SORCS2: variants seen among roughly 807,000 people sequenced by gnomAD.
SORCS2 encodes sortilin related VPS10 domain containing receptor 2, also known as VPS10 domain-containing receptor SorCS2.
Under a neutral mutation model 141.6 loss-of-function variants are expected in SORCS2, and 100 were observed. That is an observed-to-expected ratio of 0.71 (90% CI 0.60 to 0.83). The LOEUF (loss-of-function observed/expected upper bound fraction) is 0.83. Ranked by LOEUF, SORCS2 falls within the 40% of genes least tolerant of loss-of-function variation. The pLI, the probability that SORCS2 is intolerant of heterozygous loss-of-function variation, is 0.00. For missense variants in SORCS2, 1,646 were observed against 1,560.2 expected (o/e 1.05, Z -0.93); for synonymous variants, 789 against 676.9 (o/e 1.17, Z -2.57).
At chr4:7,643,372 T>C (rs1204740723) in intron 4 of SORCS2, among the ~76,000 whole-genome samples, 3 of 152,252 alleles carry the variant, frequency 2.0e-5, no homozygotes, top group Non-Finnish European at 2.9e-5. Context: ...TCTTCAGACC[T>C]GCTTGCTGAG....
At chr4:7,311,800 A>T (rs1249038680) in intron 1 of SORCS2, among the ~76,000 whole-genome samples, 1 of 152,116 alleles carries the variant, frequency 6.6e-6, no homozygotes, top group African/African-American at 2.4e-5. Flanking sequence ...TGCGTCCTTT[A>T]TCATGTATGT....
At chr4:7,632,365 A>G (rs910478368) in intron 3 of SORCS2, among the ~76,000 whole-genome samples, 5 of 152,182 alleles carry the variant, frequency 3.3e-5, no homozygotes, top group African/African-American at 9.7e-5. Context: ...CAGTAAAAAT[A>G]CACCATTTAA....
intron 3 of SORCS2, among the ~76,000 whole-genome samples, chr4:7,545,740 C>A (rs528432244): frequency 4.0e-4 from 61 of 152,346 alleles, no homozygotes; most frequent in African/African-American, 1.4e-3. Flanking sequence ...CACCTGCCTG[C>A]CTTTCTGTGA....
Position 7,724,378 on chromosome 4 carries a change from GTGATAGGGTGT to G in SORCS2, c.2611+498_2611+508del, listed in dbSNP as rs1560113575. On this transcript the variant is annotated intron_variant, in intron 19 of 26. Coordinates refer to ENST00000507866, the MANE Select transcript of SORCS2 (RefSeq NM_020777.3). ...AGTGGTAGTAATGGTGATGATGGTGGTGATAGGGTGTTGGTGATGGTGATAGTAGTGGTGGG... is the reference window on the plus strand; with the variant it reads ...AGTGGTAGTAATGGTGATGATGGTGGTGGTGATGGTGATAGTAGTGGTGGG... Among the ~76,000 whole-genome samples the G allele has an allele frequency of 5.4e-4, 79 of 146,396 alleles. 1 individual carries two copies. Among genetic ancestry groups the G allele is most frequent in the African/African-American group, 2.0e-3 (77 of 38,168 alleles).
intron 1 of SORCS2, among the ~76,000 whole-genome samples, chr4:7,394,407 A>AAG (rs1553854567): frequency 6.7e-5 from 2 of 29,852 alleles, no homozygotes; most frequent in African/African-American, 1.3e-4. Flanking sequence ...GCAGGGTTGG[A>AAG]GGGGGGGTGT....
intron 1 of SORCS2, among the ~76,000 whole-genome samples, chr4:7,252,889 C>T (rs757179123): frequency 2.0e-5 from 3 of 152,230 alleles, no homozygotes; most frequent in Non-Finnish European, 4.4e-5. Flanking sequence ...TTGAAACTGT[C>T]GAATGGAAAA....
chr4:7,682,717 C>T (rs756741915), intron 9 of SORCS2, 26 bp from the exon 10 acceptor site: 7 of 1,592,826 alleles, frequency 4.4e-6, no homozygotes, highest in Non-Finnish European at 6.0e-6. Context: ...TGTAAGTTTA[C>T]AGTCCTTCTT....
At chr4:7,595,075 A>G (rs749744463) in intron 3 of SORCS2, among the ~76,000 whole-genome samples, 2 of 152,112 alleles carry the variant, frequency 1.3e-5, no homozygotes, top group Non-Finnish European at 2.9e-5. Context: ...TGCCAGTCAC[A>G]AGTCCAGGCT....
At chr4:7,515,610 C>T (rs2109482834) in intron 2 of SORCS2, among the ~76,000 whole-genome samples, 1 of 152,318 alleles carries the variant, frequency 6.6e-6, no homozygotes, top group African/African-American at 2.4e-5. Context: ...GGGGCAGATG[C>T]TGCCGCTCGG....
intron 2 of SORCS2, among the ~76,000 whole-genome samples, chr4:7,472,822 T>C (rs749961814): frequency 1.3e-5 from 2 of 152,090 alleles, no homozygotes; most frequent in East Asian, 1.9e-4. Flanking sequence ...CCTGGTTTGA[T>C]TGGGGCGAGG....
At chr4:7,418,512 C>G (rs1725837843) in intron 2 of SORCS2, among the ~76,000 whole-genome samples, 2 of 152,138 alleles carry the variant, frequency 1.3e-5, no homozygotes, top group African/African-American at 4.8e-5. Flanking sequence ...GTGGAGTTGG[C>G]AGGGCGCAGG....
chr4:7,381,909 A>G, intron 1 of SORCS2: 3 of 986,524 alleles, frequency 3.0e-6, no homozygotes, highest in Non-Finnish European at 3.6e-6. Flanking sequence ...GAGCAGGCAG[A>G]CAGCAGAATG....
At chr4:7,455,112 G>T (rs1456035536) in intron 2 of SORCS2, among the ~76,000 whole-genome samples, 1 of 70,828 alleles carries the variant, frequency 1.4e-5, no homozygotes, top group African/African-American at 5.5e-5. Flanking sequence ...GGGGTCAGGA[G>T]CTGTGTGTTG....
intron 1 of SORCS2, among the ~76,000 whole-genome samples, chr4:7,198,285 A>G (rs925966071): frequency 1.3e-5 from 2 of 152,044 alleles, no homozygotes; most frequent in African/African-American, 4.8e-5. Context: ...GAGTGCAGAG[A>G]CCATGTGAGT....
chr4:7,449,976 A>G (rs887294604), intron 2 of SORCS2, among the ~76,000 whole-genome samples: 3 of 152,126 alleles, frequency 2.0e-5, no homozygotes, highest in African/African-American at 7.2e-5. Flanking sequence ...TTTCCTGCTT[A>G]CCCTCCAACA....
At chr4:7,380,289 A>G (rs2109066435) in intron 1 of SORCS2, among the ~76,000 whole-genome samples, 1 of 151,976 alleles carries the variant, frequency 6.6e-6, no homozygotes, top group South Asian at 2.1e-4. Flanking sequence ...TTAAACAAGT[A>G]ACATTCACAG....
At chr4:7,724,405 TA>T (rs1726899538) in intron 19 of SORCS2, among the ~76,000 whole-genome samples, 1 of 133,936 alleles carries the variant, frequency 7.5e-6, no homozygotes, top group African/African-American at 3.2e-5. Flanking sequence ...ATGGTGATAG[TA>T]GTGGTGGGAA....
intron 1 of SORCS2, among the ~76,000 whole-genome samples, chr4:7,272,726 A>G (rs766614257): frequency 6.6e-6 from 1 of 152,244 alleles, no homozygotes; most frequent in East Asian, 1.9e-4. Context: ...AAGGAACAAT[A>G]CCATCCGCGG....
At chr4:7,655,851 C>G (rs1721738777) in intron 5 of SORCS2, among the ~76,000 whole-genome samples, 1 of 152,226 alleles carries the variant, frequency 6.6e-6, no homozygotes, top group African/African-American at 2.4e-5. Flanking sequence ...AGGCCGGGCT[C>G]ATGGACAGCT....
Sources: gnomAD v4.1 joint callset for allele counts (sites outside exome capture counted in the v4.1 genomes callset) on GRCh38, gnomAD v4.1.1 for gene constraint, MANE v1.5 for transcripts, NCBI Gene and HGNC (gene_info 2026-07-23, HGNC 2026-07-21) for gene names.